TXNDC16: variants seen among roughly 807,000 people sequenced by gnomAD.
TXNDC16 encodes the protein thioredoxin domain-containing protein 16.
In TXNDC16, 74 loss-of-function variants were observed where a neutral mutation model predicts 85.6. The ratio of observed to expected loss-of-function variants is 0.86; its 90% CI spans 0.72 to 1.05. The LOEUF is 1.05. Ranked by LOEUF, TXNDC16 falls within the 50% of genes least tolerant of loss-of-function variation. TXNDC16 has a pLI of 0.00. For synonymous variants in TXNDC16, 335 were observed against 326.5 expected (o/e 1.03, Z -0.28); for missense variants, 959 against 947.0 (o/e 1.01, Z -0.17).
At position 52,536,798 on chromosome 14, in the gene TXNDC16, A is replaced by G; in HGVS notation, c.318-5T>C. Reference sequence around the variant, plus strand: ...TCTCTGAGCAATATGTTGCCCCTATAAAAAGTTTAAAAACATATTAATATT... The same window carrying G: ...TCTCTGAGCAATATGTTGCCCCTATGAAAAGTTTAAAAACATATTAATATT... On this transcript the variant is annotated splice_region_variant and splice_polypyrimidine_tract_variant and intron_variant, in intron 5 of 20. Transcript: ENST00000281741. 6.3e-7 allele frequency: 1 copy of G among 1,595,614 alleles called. No individual in the cohort carries two copies. Among genetic ancestry groups the G allele is most frequent in the Non-Finnish European group, 8.5e-7 (1 of 1,170,466 alleles).
intron 16 of TXNDC16, among the ~76,000 whole-genome samples, chr14:52,467,746 G>A (rs530489110): frequency 6.6e-6 from 1 of 152,266 alleles, no homozygotes; most frequent in African/African-American, 2.4e-5. Flanking sequence ...CCACTTCTCA[G>A]TATGTACTCA....
intron 16 of TXNDC16, among the ~76,000 whole-genome samples, chr14:52,457,382 T>C (rs1176291147): frequency 6.6e-6 from 1 of 152,226 alleles, no homozygotes; most frequent in Admixed American, 6.5e-5. Context: ...TCAATTGATA[T>C]AATGCAACAT....
intron 18 of TXNDC16, among the ~76,000 whole-genome samples, chr14:52,446,583 C>T (rs771333100): frequency 2.6e-5 from 4 of 152,082 alleles, no homozygotes; most frequent in Non-Finnish European, 5.9e-5. Flanking sequence ...TACTGAGATA[C>T]CAGCCAGGAC....
intron 16 of TXNDC16, among the ~76,000 whole-genome samples, chr14:52,469,341 C>T (rs970009807): frequency 6.8e-6 from 1 of 146,084 alleles, no homozygotes; most frequent in Non-Finnish European, 1.5e-5. Flanking sequence ...AGCAAGATCT[C>T]GTCTCAAAAA....
intron 14 of TXNDC16, among the ~76,000 whole-genome samples, chr14:52,473,988 T>G (rs543213748): frequency 6.6e-6 from 1 of 152,348 alleles, no homozygotes; most frequent in South Asian, 2.1e-4. Context: ...CTACATTAAG[T>G]TCCCTGAACT....
intron 9 of TXNDC16, among the ~76,000 whole-genome samples, chr14:52,507,440 C>A (rs530522820): frequency 6.6e-6 from 1 of 152,234 alleles, no homozygotes; most frequent in East Asian, 1.9e-4. Context: ...GAAGAATATT[C>A]CATGCTCATG....
At chr14:52,493,505 TA>T (rs2036461726) in intron 9 of TXNDC16, among the ~76,000 whole-genome samples, 1 of 151,556 alleles carries the variant, frequency 6.6e-6, no homozygotes, top group South Asian at 2.1e-4. Context: ...TAAAGTTAAA[TA>T]AATCTCCCAG....
intron 19 of TXNDC16, among the ~76,000 whole-genome samples, chr14:52,440,000 A>G (rs1457203473): frequency 6.6e-6 from 1 of 152,194 alleles, no homozygotes; most frequent in African/African-American, 2.4e-5. Context: ...CTCAAGCAGT[A>G]GAATGCACTG....
At position 52,549,629 on chromosome 14, in the gene TXNDC16, A is replaced by ATTT. The variant is rs748701260; in HGVS notation, c.-182+2684_-182+2686dup. ...CAATAGTAATTGACAAACAGTTCTG[A>ATTT]TTTTTTTTTTTTTTTTTTTGAGACA... On this transcript the variant is annotated intron_variant, in intron 1 of 20. Transcript: ENST00000281741. Among the ~76,000 whole-genome samples the ATTT allele has an allele frequency of 5.9e-4, 79 of 132,984 alleles. 3 individuals are homozygous for ATTT. The highest frequency in any genetic ancestry group is 1.3e-3 in the East Asian group (6 of 4,578). 87.2% of individuals were successfully genotyped at this position (132,984 alleles called of 152,430 possible). A position where few individuals can be genotyped will look rare whatever the true frequency, so the allele number is the denominator to read the frequency against.
At chr14:52,508,136 G>A (rs992032235) in intron 9 of TXNDC16, among the ~76,000 whole-genome samples, 6 of 152,224 alleles carry the variant, frequency 3.9e-5, no homozygotes, top group South Asian at 4.1e-4. Context: ...GCAACCTACA[G>A]AATGGGAGAA....
chr14:52,490,958 T>A lies in TXNDC16; in HGVS notation c.804A>T (p.Gln268His), dbSNP rs747925801. The A allele has an allele frequency of 6.2e-7, 1 of 1,611,488 alleles. No homozygotes were observed. Among genetic ancestry groups the A allele is most frequent in the Non-Finnish European group, 8.5e-7 (1 of 1,179,300 alleles). ...CAATAAAAACCAGTGGTAAGCCCAGTTGGAGATGGACAGTTGAAACTTGTT... is the reference window on the plus strand; with the variant it reads ...CAATAAAAACCAGTGGTAAGCCCAGATGGAGATGGACAGTTGAAACTTGTT... ...DPQQVSTVHL[Q>H]LGLPLVFIVS... The change falls in exon 10 of 21, where the codon CAA becomes CAT. Residue 268 changes from glutamine to histidine, a missense_variant. Gln to His is a conservative substitution (Grantham distance 24). Transcript: ENST00000281741.
At chr14:52,523,985 A>G (rs2037269133) in intron 6 of TXNDC16, among the ~76,000 whole-genome samples, 1 of 152,250 alleles carries the variant, frequency 6.6e-6, no homozygotes, top group South Asian at 2.1e-4. Flanking sequence ...AGCTGTGAGG[A>G]ATTCAAATCC....
intron 1 of TXNDC16, among the ~76,000 whole-genome samples, chr14:52,551,517 A>G (rs1023969202): frequency 2.6e-5 from 4 of 152,052 alleles, no homozygotes; most frequent in African/African-American, 9.7e-5. Context: ...TGGTGAGGTA[A>G]GAAAAGCTGG....
intron 6 of TXNDC16, among the ~76,000 whole-genome samples, chr14:52,530,263 T>TAATATATATATTATTATATAATAA (rs1456568726): frequency 7.6e-5 from 5 of 65,416 alleles, no homozygotes; most frequent in African/African-American, 1.3e-4. Context: ...TATTATATAA[T>TAATATATATATTATTATATAATAA]ATATATTATT....
intron 7 of TXNDC16, 116 bp downstream of exon 7, chr14:52,519,056 G>T: frequency 1.8e-6 from 2 of 1,084,132 alleles, no homozygotes; most frequent in Non-Finnish European, 2.6e-6. Context: ...TAGTAAAGAT[G>T]CTTTAGATTT....
intron 9 of TXNDC16, among the ~76,000 whole-genome samples, chr14:52,499,583 C>T (rs1433740642): frequency 6.7e-6 from 1 of 150,296 alleles, no homozygotes; most frequent in Non-Finnish European, 1.5e-5. Context: ...GAGGTATCAT[C>T]TCATATCCTT....
intron 20 of TXNDC16, among the ~76,000 whole-genome samples, chr14:52,433,513 T>A (rs1355433854): frequency 6.6e-6 from 1 of 152,180 alleles, no homozygotes; most frequent in Non-Finnish European, 1.5e-5. Context: ...TAAATGCTCA[T>A]AAGATACAAA....
chr14:52,463,633 T>C (rs1476488529), intron 16 of TXNDC16, among the ~76,000 whole-genome samples: 1 of 152,180 alleles, frequency 6.6e-6, no homozygotes, highest in African/African-American at 2.4e-5. Context: ...TTGGCCACCT[T>C]TGATTGACCA....
intron 14 of TXNDC16, among the ~76,000 whole-genome samples, chr14:52,478,124 A>G (rs915554236): frequency 1.3e-5 from 2 of 152,068 alleles, no homozygotes; most frequent in Non-Finnish European, 2.9e-5. Flanking sequence ...AAAATTCTCC[A>G]AACTGAATGA....
Sources: gnomAD v4.1 joint callset for allele counts (sites outside exome capture counted in the v4.1 genomes callset) on GRCh38, gnomAD v4.1.1 for gene constraint, MANE v1.5 for transcripts, NCBI Gene and HGNC (gene_info 2026-07-23, HGNC 2026-07-21) for gene names.